AFAP1L2: variants seen among roughly 807,000 people sequenced by gnomAD.
AFAP1L2 encodes the protein actin filament associated protein 1 like 2.
In AFAP1L2, 46 loss-of-function variants were observed where a neutral mutation model predicts 99.3. The ratio of observed to expected loss-of-function variants is 0.46; its 90% CI spans 0.37 to 0.59. The LOEUF (loss-of-function observed/expected upper bound fraction) is 0.59, where lower values mean the gene tolerates loss of function less well. Among genes scored for constraint, AFAP1L2 ranks in the 20% least tolerant of loss-of-function variants. AFAP1L2 has a pLI of 0.00. For missense variants in AFAP1L2, 959 were observed against 1,034.9 expected, an observed-to-expected ratio of 0.93 and a Z score of 1.01; for synonymous variants, 397 against 419.1, an observed-to-expected ratio of 0.95 and a Z score of 0.64.
chr10:114,355,249 G>T (rs12761333), intron 1 of AFAP1L2, among the ~76,000 whole-genome samples: 40,708 of 119,864 alleles, frequency 0.34, 5,980 homozygotes, highest in African/African-American at 0.35. Flanking sequence ...TTCTCTTCTC[G>T]CTCTCTCTTT....
At chr10:114,362,344 T>G (rs36110313) in intron 1 of AFAP1L2, among the ~76,000 whole-genome samples, 38,672 of 152,138 alleles carry the variant, frequency 0.25, 5,540 homozygotes, top group Non-Finnish European at 0.32. Context: ...CAGATGTAAT[T>G]AGATTAAGGA....
chr10:114,394,686 C>T (rs1412696622), intron 1 of AFAP1L2, among the ~76,000 whole-genome samples: 1 of 152,132 alleles, frequency 6.6e-6, no homozygotes, highest in Non-Finnish European at 1.5e-5. Flanking sequence ...CCAGCGTGAG[C>T]CTGTGCGTCC....
intron 4 of AFAP1L2, among the ~76,000 whole-genome samples, chr10:114,327,817 AG>A (rs1261768346): frequency 6.6e-6 from 1 of 152,232 alleles, no homozygotes; most frequent in African/African-American, 2.4e-5. Flanking sequence ...AGAGCTGATG[AG>A]GGGTGGCTCA....
intron 2 of AFAP1L2, among the ~76,000 whole-genome samples, chr10:114,336,525 G>A (rs903026770): frequency 1.3e-5 from 2 of 152,216 alleles, no homozygotes. Flanking sequence ...GAAGGTGTTG[G>A]GAAGATGAGC....
intron 5 of AFAP1L2, among the ~76,000 whole-genome samples, chr10:114,320,724 C>T (rs1471119588): frequency 1.3e-5 from 2 of 152,240 alleles, no homozygotes; most frequent in African/African-American, 4.8e-5. Flanking sequence ...TTTCTGACCA[C>T]TTGTTTGTGT....
chr10:114,342,434 A>G (rs1299431396), intron 1 of AFAP1L2, among the ~76,000 whole-genome samples: 1 of 152,216 alleles, frequency 6.6e-6, no homozygotes, highest in Non-Finnish European at 1.5e-5. Context: ...TTGGGCCCCT[A>G]ATGATATCCA....
intron 1 of AFAP1L2, among the ~76,000 whole-genome samples, chr10:114,365,115 C>A (rs2053021009): frequency 6.6e-6 from 1 of 152,208 alleles, no homozygotes; most frequent in Non-Finnish European, 1.5e-5. Context: ...TTCCCCAGCT[C>A]TGTGTACCCT....
the AFAP1L2 span, chr10:114,284,821 T>C: frequency 6.4e-7 from 1 of 1,553,398 alleles, no homozygotes; most frequent in Non-Finnish European, 8.7e-7. Context: ...TCCACTCCTC[T>C]GTGCTGCGGT....
intron 1 of AFAP1L2, among the ~76,000 whole-genome samples, chr10:114,385,091 G>A (rs1165599218): frequency 6.6e-6 from 1 of 152,156 alleles, no homozygotes; most frequent in East Asian, 1.9e-4. Context: ...CCAGGAGGAG[G>A]CAGGGGGGCA....
At chr10:114,330,983 A>G (rs1419973651) in intron 4 of AFAP1L2, among the ~76,000 whole-genome samples, 1 of 152,114 alleles carries the variant, frequency 6.6e-6, no homozygotes, top group Non-Finnish European at 1.5e-5. Context: ...AGAACTCTGG[A>G]GAGATGAGAA....
At chr10:114,322,582 C>G (rs1179080978) in intron 5 of AFAP1L2, among the ~76,000 whole-genome samples, 2 of 152,222 alleles carry the variant, frequency 1.3e-5, no homozygotes, top group African/African-American at 4.8e-5. Context: ...AAAGTAACTC[C>G]CCTGTCCTGC....
chr10:114,306,618 C>A (rs576315056), intron 10 of AFAP1L2, among the ~76,000 whole-genome samples: 15 of 152,108 alleles, frequency 9.9e-5, no homozygotes, highest in African/African-American at 3.6e-4. Context: ...GAATTAGAGA[C>A]CAGGACTGAG....
chr10:114,383,700 A>C (rs2056052291), intron 1 of AFAP1L2, among the ~76,000 whole-genome samples: 2 of 152,248 alleles, frequency 1.3e-5, no homozygotes, highest in East Asian at 3.8e-4. Context: ...AAAACCAAAA[A>C]CAACAAAAAG....
chr10:114,314,603 G>C (rs923812710), intron 6 of AFAP1L2, among the ~76,000 whole-genome samples: 1 of 152,196 alleles, frequency 6.6e-6, no homozygotes. Context: ...TGCTTAAAAG[G>C]ATTACTTGAA....
chr10:114,320,985 G>A (rs996482863), intron 5 of AFAP1L2, among the ~76,000 whole-genome samples: 3 of 152,166 alleles, frequency 2.0e-5, no homozygotes, highest in African/African-American at 4.8e-5. Flanking sequence ...CAAAGCCAGC[G>A]TCTTAGAATA....
intron 15 of AFAP1L2, 75 bp from the exon 16 acceptor site, chr10:114,299,490 C>T: frequency 1.3e-6 from 2 of 1,572,108 alleles, no homozygotes; most frequent in Non-Finnish European, 1.7e-6. Flanking sequence ...ACTCCCCAGG[C>T]TCGGATAGAA....
intron 7 of AFAP1L2, among the ~76,000 whole-genome samples, chr10:114,311,656 G>C (rs1046218215): frequency 6.6e-6 from 1 of 152,218 alleles, no homozygotes; most frequent in Non-Finnish European, 1.5e-5. Context: ...CTATTAGCTT[G>C]GGCCAAATAC....
chr10:114,338,954 T>C (rs562634939), intron 2 of AFAP1L2, among the ~76,000 whole-genome samples: 2 of 152,346 alleles, frequency 1.3e-5, no homozygotes, highest in Admixed American at 6.5e-5. Context: ...CTTCCAACTA[T>C]GTTTTCCCTT....
intron 1 of AFAP1L2, among the ~76,000 whole-genome samples, chr10:114,399,567 C>G (rs2058051332): frequency 6.6e-6 from 1 of 152,158 alleles, no homozygotes; most frequent in Non-Finnish European, 1.5e-5. Flanking sequence ...GTTGCTTAAT[C>G]TCTGTAGGCC....
Sources: gnomAD v4.1 joint callset for allele counts (sites outside exome capture counted in the v4.1 genomes callset) on GRCh38, gnomAD v4.1.1 for gene constraint, MANE v1.5 for transcripts, NCBI Gene and HGNC (gene_info 2026-07-23, HGNC 2026-07-21) for gene names.